The following MEOX2 variants were observed in gnomAD, a reference collection of about 807,000 sequenced individuals.
MEOX2 encodes mesenchyme homeobox 2, also known as homeobox protein MOX-2.
Under a neutral mutation model 27.0 loss-of-function variants are expected in MEOX2, and 11 were observed. That is an observed-to-expected ratio of 0.41 (90% CI 0.26 to 0.68). MEOX2 has a LOEUF of 0.68. Ranked by LOEUF, MEOX2 falls within the 30% of genes least tolerant of loss-of-function variation. The pLI is 0.33. For synonymous variants in MEOX2, 189 were observed against 155.4 expected (o/e 1.22, Z -1.61); for missense variants, 436 against 385.4 (o/e 1.13, Z -1.10).
At position 15,672,100 on chromosome 7, in the gene MEOX2, AC is replaced by A. The variant is rs1252003453; in HGVS notation, c.517+13785del. Among the ~76,000 whole-genome samples, 735 of 151,342 alleles carry A rather than the reference AC, an allele frequency of 4.9e-3. 5 individuals are homozygous for A. Among genetic ancestry groups the A allele is most frequent in the African/African-American group, 0.017 (692 of 40,816 alleles). On this transcript the variant is annotated intron_variant, in intron 1 of 2. Transcript: ENST00000262041. ...AGAGCAAGACTCCGTTTAAAAAAAA[AC>A]AAAAAAAACAAAAAAACAAAGTGAT...
intron 1 of MEOX2, among the ~76,000 whole-genome samples, chr7:15,649,519 A>G (rs772159290): frequency 6.6e-6 from 1 of 152,092 alleles, no homozygotes; most frequent in Non-Finnish European, 1.5e-5. Context: ...GAAAGGACAG[A>G]GTTTCTGCTA....
intron 1 of MEOX2, among the ~76,000 whole-genome samples, chr7:15,629,657 A>G (rs1781370480): frequency 6.6e-6 from 1 of 152,016 alleles, no homozygotes; most frequent in African/African-American, 2.4e-5. Flanking sequence ...CACTACTTTT[A>G]CCCTTGTAGT....
At chr7:15,646,354 A>G (rs1387041401) in intron 1 of MEOX2, among the ~76,000 whole-genome samples, 1 of 152,016 alleles carries the variant, frequency 6.6e-6, no homozygotes, top group East Asian at 1.9e-4. Context: ...CCTCAGTTGA[A>G]ATGACATTGG....
At chr7:15,627,061 C>T (rs745306412) in intron 1 of MEOX2, 143 bp from the exon 2 acceptor site, 45 of 659,750 alleles carry the variant, frequency 6.8e-5, no homozygotes, top group South Asian at 4.1e-4. Flanking sequence ...GCAAGACTGA[C>T]GGCAGCTCAA....
At chr7:15,618,091 C>A (rs1027867288) in intron 2 of MEOX2, among the ~76,000 whole-genome samples, 1 of 151,972 alleles carries the variant, frequency 6.6e-6, no homozygotes, top group African/African-American at 2.4e-5. Flanking sequence ...CATGATAAAG[C>A]AAAGTGGTTC....
chr7:15,666,916 C>T (rs1782017020), intron 1 of MEOX2, among the ~76,000 whole-genome samples: 1 of 150,420 alleles, frequency 6.6e-6, no homozygotes, highest in African/African-American at 2.5e-5. Flanking sequence ...TATTACTTGA[C>T]AAGGTCCCTT....
At chr7:15,660,343 G>T (rs1191172539) in intron 1 of MEOX2, among the ~76,000 whole-genome samples, 2 of 152,062 alleles carry the variant, frequency 1.3e-5, no homozygotes, top group Non-Finnish European at 1.5e-5. Flanking sequence ...TAAAAATCAA[G>T]AATTTTACTC....
At chr7:15,659,652 C>A (rs1781878462) in intron 1 of MEOX2, among the ~76,000 whole-genome samples, 1 of 150,032 alleles carries the variant, frequency 6.7e-6, no homozygotes, top group African/African-American at 2.5e-5. Context: ...CCCAGCTTCT[C>A]AGGGGGCTGA....
chr7:15,626,881 G>A lies in MEOX2; in HGVS notation c.555C>T (p.Ser185=), dbSNP rs1220026453. The change falls in exon 2 of 3, where the codon AGC becomes AGT. Residue 185 remains serine (S), a synonymous_variant. Coordinates refer to ENST00000262041, the MANE Select transcript of MEOX2 (RefSeq NM_005924.5). ...ATGCTGTCCTTTCTTTCCTGGGTTT[G>A]CTGTTGACTTCTGACTTGTAATTTC... ...QEGNYKSEVN[S]KPRKERTAFT... 1.9e-6 allele frequency: 3 copies of A among 1,611,576 alleles called. No homozygotes were observed. The African/African-American group carries it at 4.0e-5, about 22-fold the overall frequency.
intron 1 of MEOX2, among the ~76,000 whole-genome samples, chr7:15,630,857 T>C (rs1363963559): frequency 6.6e-6 from 1 of 151,996 alleles, no homozygotes; most frequent in Non-Finnish European, 1.5e-5. Context: ...TCCAACTTGC[T>C]ACTCCAGCTC....
intron 1 of MEOX2, among the ~76,000 whole-genome samples, chr7:15,661,110 A>G (rs1781910449): frequency 6.6e-6 from 1 of 151,974 alleles, no homozygotes; most frequent in South Asian, 2.1e-4. Flanking sequence ...CAGGTGAATA[A>G]TAGCATTTCT....
chr7:15,673,597 C>CAAAAAAAAA (rs35223717), intron 1 of MEOX2, among the ~76,000 whole-genome samples: 1 of 76,192 alleles, frequency 1.3e-5, no homozygotes, highest in African/African-American at 5.1e-5. Flanking sequence ...ACAAGTCTAT[C>CAAAAAAAAA]AAAAAAAAAA....
intron 1 of MEOX2, among the ~76,000 whole-genome samples, chr7:15,630,147 C>T (rs1196713162): frequency 1.3e-5 from 2 of 152,060 alleles, no homozygotes; most frequent in Non-Finnish European, 2.9e-5. Context: ...CACACACTCT[C>T]TCAGCGCTTC....
chr7:15,643,965 C>T (rs1372428142), intron 1 of MEOX2, among the ~76,000 whole-genome samples: 2 of 152,140 alleles, frequency 1.3e-5, no homozygotes, highest in African/African-American at 2.4e-5. Flanking sequence ...ATGCTGTGGC[C>T]CCACTGCAGG....
Position 15,625,039 on chromosome 7 carries a change from T to C in MEOX2, c.690+1707A>G, listed in dbSNP as rs1017003920. 1.4e-4 allele frequency among the ~76,000 whole-genome samples: 22 copies of C among 152,144 alleles called. 1 individual carries two copies. Among genetic ancestry groups the C allele is most frequent in the Non-Finnish European group, 1.8e-4 (12 of 68,026 alleles). On this transcript the variant is annotated intron_variant, in intron 2 of 2. Transcript: ENST00000262041. ...AGATAACCGTAGACCACCCCCAAAATGTCAAGTACAGAATCTTGTTTTTCC... is the reference window on the plus strand; with the variant it reads ...AGATAACCGTAGACCACCCCCAAAACGTCAAGTACAGAATCTTGTTTTTCC...
intron 1 of MEOX2, among the ~76,000 whole-genome samples, chr7:15,630,442 G>A (rs1781383152): frequency 6.6e-6 from 1 of 152,040 alleles, no homozygotes; most frequent in South Asian, 2.1e-4. Flanking sequence ...TAGCAAAAGA[G>A]AAATAAAAGT....
At chr7:15,637,953 T>G (rs1265123475) in intron 1 of MEOX2, among the ~76,000 whole-genome samples, 3 of 152,114 alleles carry the variant, frequency 2.0e-5, no homozygotes, top group Non-Finnish European at 4.4e-5. Context: ...AAACTTAAAA[T>G]GTACCAGGAG....
chr7:15,659,166 T>C (rs923273426), intron 1 of MEOX2, among the ~76,000 whole-genome samples: 1 of 152,168 alleles, frequency 6.6e-6, no homozygotes, highest in Non-Finnish European at 1.5e-5. Flanking sequence ...TGTCTGGCTA[T>C]TTTTTATTTT....
intron 1 of MEOX2, chr7:15,667,813 G>C (rs1369902599): frequency 6.6e-6 from 1 of 152,162 alleles, no homozygotes; most frequent in Admixed American, 6.5e-5. Context: ...GGTATTAGAA[G>C]TGTAGAGAAA....
Sources: allele counts gnomAD v4.1 joint callset (sites outside exome capture counted in the v4.1 genomes callset), GRCh38; gene constraint gnomAD v4.1.1; transcripts MANE v1.5; gene names NCBI Gene and HGNC (gene_info 2026-07-23, HGNC 2026-07-21).